The following CFAP74 variants were observed in gnomAD, a reference collection of about 807,000 sequenced individuals.
CFAP74 encodes cilia and flagella associated protein 74.
In CFAP74, 124 loss-of-function variants were observed where a neutral mutation model predicts 188.9. The observed-to-expected ratio is 0.66, with a 90% CI of 0.57 to 0.76. CFAP74 has a LOEUF of 0.76. Ranked by LOEUF, CFAP74 falls within the 30% of genes least tolerant of loss-of-function variation. The pLI is 0.00. For missense variants in CFAP74, 2,198 were observed against 2,165.2 expected (o/e 1.02, Z -0.30); for synonymous variants, 956 against 916.7 (o/e 1.04, Z -0.77).
chr1:1,943,424 C>G (rs1653525965), intron 21 of CFAP74, among the ~76,000 whole-genome samples: 1 of 152,258 alleles, frequency 6.6e-6, no homozygotes, highest in Non-Finnish European at 1.5e-5. Flanking sequence ...CTGTTCCTAC[C>G]CAGGTCACCG....
At chr1:1,958,548 T>G (rs1456304071) in intron 16 of CFAP74, among the ~76,000 whole-genome samples, 1 of 152,000 alleles carries the variant, frequency 6.6e-6, no homozygotes, top group Non-Finnish European at 1.5e-5. Flanking sequence ...GGGGGGACAA[T>G]GATGTGTGGG....
At chr1:1,947,904 G>C (rs546085199) in intron 18 of CFAP74, among the ~76,000 whole-genome samples, 1 of 151,996 alleles carries the variant, frequency 6.6e-6, no homozygotes, top group South Asian at 2.1e-4. Flanking sequence ...ACGGAGTCTC[G>C]GTCTGTCATC....
chr1:1,945,941 GT>G (rs1653731107), intron 20 of CFAP74, among the ~76,000 whole-genome samples: 3 of 144,804 alleles, frequency 2.1e-5, no homozygotes, highest in African/African-American at 7.7e-5. Context: ...GTGCACGTGT[GT>G]GTGGGGGCTC....
chr1:1,963,996 A>G (rs1655286957), intron 13 of CFAP74, 129 bp from the exon 14 acceptor site: 1 of 699,550 alleles, frequency 1.4e-6, no homozygotes, highest in African/African-American at 1.8e-5. Flanking sequence ...CCAGGGAACA[A>G]TTTCCAAGGT....
At chr1:1,988,836 AC>A (rs375530379) in intron 3 of CFAP74, 52 bp downstream of exon 3, 4 of 115,982 alleles carry the variant, frequency 3.4e-5, no homozygotes, top group East Asian at 2.9e-4. Flanking sequence ...CCCCACCCCC[AC>A]CCCCACCCCC....
chr1:1,956,495 C>G (rs566517909), intron 17 of CFAP74, 125 bp downstream of exon 17: 3 of 1,176,926 alleles, frequency 2.5e-6, no homozygotes, highest in African/African-American at 1.5e-5. Flanking sequence ...AGGAGGCCCC[C>G]ACACTGCCCT....
chr1:1,964,894 G>A lies in CFAP74; in HGVS notation c.1569C>T (p.His523=), dbSNP rs61734005. Residue 523 remains histidine, a synonymous_variant, in exon 13 of 39, where the codon CAC becomes CAT. Coordinates refer to ENST00000682832, the MANE Select transcript of CFAP74 (RefSeq NM_001304360.2). ...GGCCCAGCTGCGGGCTCACCTGGAA[G>A]TGGAGGAGCTCCGGTTTGCTGTTGA... ...RPFNSKPELL[H]FQDFDIGKVY... The A allele has an allele frequency of 0.018, 29,734 of 1,613,614 alleles. 2,390 individuals are homozygous for A. In the African/African-American group the frequency reaches 0.23, roughly 12 times the overall value.
At position 1,956,779 on chromosome 1, in the gene CFAP74, G is replaced by T; in HGVS notation, c.1857C>A (p.Ser619=). 6.2e-7 allele frequency: 1 copy of T among 1,612,402 alleles called. No homozygotes were observed. Among genetic ancestry groups the T allele is most frequent in the East Asian group, 2.2e-5 (1 of 44,792 alleles). ...LKCSTKKCSL[S]LDKELIDFGS... ...CGAAGTCAATGAGCTCCTTGTCGAG[G>T]GACAGCTGCCAGAGGACATGGAGTG... Residue 619 remains serine, a synonymous_variant, in exon 17 of 39, where the codon TCC becomes TCA. Coordinates refer to ENST00000682832, the MANE Select transcript of CFAP74 (RefSeq NM_001304360.2).
rs2102044968 is a variant in CFAP74, at chr1:1,939,670, T to G, written c.2801A>C (p.Glu934Ala). The G allele has an allele frequency of 6.5e-7, 1 of 1,536,046 alleles. No individual in the cohort carries two copies. Among genetic ancestry groups the G allele is most frequent in the East Asian group, 2.4e-5 (1 of 40,918 alleles). Residue 934 changes from glutamate to alanine, a missense_variant, in exon 24 of 39, where the codon GAG (glutamate) becomes GCG (alanine). By Grantham distance (107) the Glu-to-Ala change is moderately radical. Coordinates refer to ENST00000682832, the MANE Select transcript of CFAP74 (RefSeq NM_001304360.2). The part of the protein sequence containing the change: ...EVDFGYCTIY[E>A]AIRTEISLHN... ...GAGGCTGATTTCCGTCCTGATGGCC[T>G]CATAGATGGTGCAGTAGCCAAAATC...
chr1:1,922,161 G>T lies in CFAP74; in HGVS notation c.*126C>A. ...GAAGTGGCCGTGGCGCCATGTGGAG[G>T]GCGGCCTATTGGAATCTGGCAGAGG... On this transcript the variant is annotated 3_prime_UTR_variant, in exon 39 of 39. Coordinates refer to ENST00000682832, the MANE Select transcript of CFAP74 (RefSeq NM_001304360.2). The T allele has an allele frequency of 1.7e-6, 1 of 600,350 alleles. No individual in the cohort carries two copies. 37.2% of individuals were successfully genotyped at this position (600,350 alleles called of 1,614,324 possible).
At position 1,971,111 on chromosome 1, in the gene CFAP74, A is replaced by G. The variant is rs938283757; in HGVS notation, c.889-295T>C. 2.4e-5 allele frequency among the ~76,000 whole-genome samples: 3 copies of G among 127,336 alleles called. 1 individual carries two copies. The highest frequency in any genetic ancestry group is 1.4e-4 in the African/African-American group (3 of 21,744). The allele number at this position is 127,336 out of a possible 152,430, so 83.5% of individuals were successfully genotyped here. ...TACATGCACACCTGCACACGTGTGCACACACATGCTCACACGTGCACACAC... is the reference window on the plus strand; with the variant it reads ...TACATGCACACCTGCACACGTGTGCGCACACATGCTCACACGTGCACACAC... On this transcript the variant is annotated intron_variant, in intron 9 of 38. Coordinates refer to ENST00000682832, the MANE Select transcript of CFAP74 (RefSeq NM_001304360.2).
intron 33 of CFAP74, among the ~76,000 whole-genome samples, chr1:1,925,343 AAGGCATGAGAGCACACAGGGCAGTGCG>A (rs1328276257): frequency 5.9e-5 from 9 of 151,924 alleles, no homozygotes; most frequent in Admixed American, 2.6e-4. Flanking sequence ...CGCTGGTGTG[AAGGCATGAGAGCACACAGGGCAGTGCG>A]AGGCATGAGA....
intron 18 of CFAP74, 189 bp downstream of exon 18, chr1:1,955,502 T>A (rs769155678): frequency 6.2e-7 from 1 of 1,604,192 alleles, no homozygotes; most frequent in East Asian, 2.3e-5. Context: ...AATGTACATT[T>A]TCGTCCACTC....
chr1:1,940,425 A>T, intron 22 of CFAP74, 22 bp from the exon 23 acceptor site: 1 of 1,474,022 alleles, frequency 6.8e-7, no homozygotes, highest in Non-Finnish European at 9.1e-7. Flanking sequence ...AGACAAGGCG[A>T]ATGTGCTTTC....
Position 1,970,283 on chromosome 1 carries a change from TTCCCTGGAGGGGCCTGGTGC to T in CFAP74, c.1046+356_1046+375del, listed in dbSNP as rs145510378. ...CAAGGGCAGGCCCAGCAGCACCAGGTTCCCTGGAGGGGCCTGGTGCTCCCTGGAGACTTCTGGGTGGGCCA... is the reference window on the plus strand; with the variant it reads ...CAAGGGCAGGCCCAGCAGCACCAGGTTCCCTGGAGACTTCTGGGTGGGCCA... On this transcript the variant is annotated intron_variant, in intron 10 of 38. Transcript: ENST00000682832. Among the ~76,000 whole-genome samples the T allele has an allele frequency of 1.2e-3, 186 of 152,202 alleles. 5 individuals carry two copies. The East Asian group carries it at 0.033, about 27-fold the overall frequency.
chr1:1,927,644 G>A lies in CFAP74; in HGVS notation c.3490C>T (p.His1164Tyr), dbSNP rs1253969098. ...RDKLFKVSVPHVLEMRKRELR... is the reference protein window; with the variant it reads ...RDKLFKVSVPYVLEMRKRELR... Reference sequence around the variant, plus strand: ...TCCCGCTTCCGCATCTCCAGGACGTGGGGGACAGAGACTTTGAACAGCTTG... The same window carrying A: ...TCCCGCTTCCGCATCTCCAGGACGTAGGGGACAGAGACTTTGAACAGCTTG... The change falls in exon 28 of 39, where the codon CAC (histidine) becomes TAC (tyrosine). Residue 1164 changes from histidine to tyrosine, a missense_variant. His to Tyr is a moderately conservative substitution (Grantham distance 83, BLOSUM62 2). Transcript: ENST00000682832. 1.9e-6 allele frequency: 3 copies of A among 1,550,034 alleles called. No individual in the cohort carries two copies. The highest frequency in any genetic ancestry group is 2.7e-5 in the African/African-American group (2 of 73,056).
At chr1:1,931,479 G>A (rs1652370399) in intron 25 of CFAP74, among the ~76,000 whole-genome samples, 2 of 140,784 alleles carry the variant, frequency 1.4e-5, no homozygotes, top group South Asian at 4.5e-4. Flanking sequence ...GCTCACGCCT[G>A]TAATCCCAAC....
At chr1:1,965,616 A>G (rs1429519256) in intron 12 of CFAP74, among the ~76,000 whole-genome samples, 2 of 151,468 alleles carry the variant, frequency 1.3e-5, no homozygotes, top group Non-Finnish European at 3.0e-5. Flanking sequence ...GCTGGTGCCC[A>G]TGCCCGGCAG....
At chr1:1,926,089 G>T in intron 32 of CFAP74, 139 bp downstream of exon 32, 1 of 1,409,554 alleles carries the variant, frequency 7.1e-7, no homozygotes, top group Non-Finnish European at 9.4e-7. Flanking sequence ...TGGTGTGAGG[G>T]CCTGGGGGCC....
Sources: allele counts gnomAD v4.1 joint callset (sites outside exome capture counted in the v4.1 genomes callset), GRCh38; gene constraint gnomAD v4.1.1; transcripts MANE v1.5; gene names NCBI Gene and HGNC (gene_info 2026-07-23, HGNC 2026-07-21).